The following PCDHA4 variants were observed in gnomAD, a reference collection of about 807,000 sequenced individuals.
PCDHA4 encodes the protein protocadherin alpha 4.
In PCDHA4, 49 loss-of-function variants were observed where a neutral mutation model predicts 61.4. That is an observed-to-expected ratio of 0.80 (90% CI 0.63 to 1.01). The LOEUF (loss-of-function observed/expected upper bound fraction) is 1.01, where lower values mean the gene tolerates loss of function less well. PCDHA4 is among the 50% of genes least tolerant of loss of function. PCDHA4 has a pLI of 0.00. For missense variants in PCDHA4, 1,254 were observed against 1,235.8 expected (o/e 1.01, Z -0.22); for synonymous variants, 590 against 550.3 (o/e 1.07, Z -1.01).
intron 1 of PCDHA4, among the ~76,000 whole-genome samples, chr5:140,833,648 T>C (rs1554133916): frequency 6.6e-6 from 1 of 152,200 alleles, no homozygotes. Flanking sequence ...GTTCACATGA[T>C]ACAAATTCTT....
chr5:140,850,503 G>C (rs2041643123), intron 1 of PCDHA4: 1 of 1,598,290 alleles, frequency 6.3e-7, no homozygotes, highest in Non-Finnish European at 8.6e-7. Flanking sequence ...GGTGTCGCTG[G>C]TGGAGAGCGG....
intron 1 of PCDHA4, chr5:140,967,806 G>A (rs1406839046): frequency 8.1e-6 from 13 of 1,614,180 alleles, no homozygotes; most frequent in Non-Finnish European, 1.1e-5. Flanking sequence ...CCCATGGCAG[G>A]TCACTGCAAG....
intron 1 of PCDHA4, among the ~76,000 whole-genome samples, chr5:140,937,615 T>TCAAAAAAAAAAAAAAAAAAAAAAAA (rs1472779704): frequency 5.3e-5 from 8 of 149,546 alleles, no homozygotes; most frequent in African/African-American, 2.0e-4. Context: ...ATACTCCATC[T>TCAAAAAAAAAAAAAAAAAAAAAAAA]AAAAAGAAAA....
At chr5:140,850,403 C>T (rs1554144277) in intron 1 of PCDHA4, 5 of 1,597,838 alleles carry the variant, frequency 3.1e-6, no homozygotes, top group African/African-American at 2.7e-5. Flanking sequence ...CAACGCGTGC[C>T]CTGGACGAAA....
intron 1 of PCDHA4, chr5:140,836,978 G>A (rs1774847497): frequency 2.7e-6 from 1 of 370,178 alleles, no homozygotes; most frequent in Admixed American, 4.2e-5. Context: ...TCCATTTTTG[G>A]AGGAGGACTT....
intron 1 of PCDHA4, chr5:140,866,569 A>G (rs1366987361): frequency 6.6e-6 from 1 of 152,162 alleles, no homozygotes; most frequent in Non-Finnish European, 1.5e-5. Flanking sequence ...TTTTGTTAAT[A>G]CAGTGGTTGG....
intron 1 of PCDHA4, among the ~76,000 whole-genome samples, chr5:140,874,875 C>T (rs1198638735): frequency 2.6e-5 from 4 of 152,134 alleles, no homozygotes; most frequent in African/African-American, 9.7e-5. Flanking sequence ...TTGTTAAATA[C>T]AAATTCCTAA....
chr5:140,998,497 G>A (rs1367409428), intron 3 of PCDHA4, among the ~76,000 whole-genome samples: 2 of 152,090 alleles, frequency 1.3e-5, no homozygotes, highest in East Asian at 3.8e-4. Flanking sequence ...TTTGAGAACA[G>A]GGTACTTGTC....
At chr5:140,850,181 G>C in intron 1 of PCDHA4, 1 of 1,593,852 alleles carries the variant, frequency 6.3e-7, no homozygotes, top group South Asian at 1.1e-5. Context: ...ACGACAATGC[G>C]CCGGCGCTGC....
At chr5:140,829,796 C>T (rs201762893) in intron 1 of PCDHA4, 5 of 1,613,774 alleles carry the variant, frequency 3.1e-6, no homozygotes, top group African/African-American at 2.7e-5. Flanking sequence ...GCTGGCGCCT[C>T]GGGTGGGTGG....
chr5:140,870,167 C>A, intron 1 of PCDHA4: 1 of 1,614,134 alleles, frequency 6.2e-7, no homozygotes, highest in East Asian at 2.2e-5. Context: ...ACTTCCTTGT[C>A]CCTCCCAGTA....
chr5:140,892,580 A>C (rs1462175198), intron 1 of PCDHA4, among the ~76,000 whole-genome samples: 2 of 152,198 alleles, frequency 1.3e-5, no homozygotes, highest in Admixed American at 1.3e-4. Context: ...AGTATATCTC[A>C]GTATTCATTC....
At chr5:140,821,779 G>A (rs1554128193) in intron 1 of PCDHA4, 29 of 1,609,248 alleles carry the variant, frequency 1.8e-5, no homozygotes, top group Admixed American at 3.4e-5. Flanking sequence ...GATTGAGATG[G>A]TATATTCCCG....
Position 140,880,781 on chromosome 5 carries a change from G to C in PCDHA4, c.2385+71209G>C, listed in dbSNP as rs575201091. Reference sequence around the variant, plus strand: ...GTGTTGGAGGCTAAAAAGAATGTTAGAGGAGTAATATAAATAGGTGAATGA... The same window carrying C: ...GTGTTGGAGGCTAAAAAGAATGTTACAGGAGTAATATAAATAGGTGAATGA... On this transcript the variant is annotated intron_variant, in intron 1 of 3. Transcript: ENST00000530339. Among the ~76,000 whole-genome samples the C allele has an allele frequency of 5.9e-5, 9 of 152,346 alleles. No homozygotes were observed. In the East Asian group the frequency reaches 1.3e-3, roughly 23 times the overall value.
At chr5:140,843,811 A>G (rs1388764041) in intron 1 of PCDHA4, 1 of 1,276,222 alleles carries the variant, frequency 7.8e-7, no homozygotes, top group Non-Finnish European at 1.1e-6. Context: ...CGTATTTTAT[A>G]GTGAAAATTT....
chr5:140,926,370 A>G (rs1268539055), intron 1 of PCDHA4: 1 of 152,298 alleles, frequency 6.6e-6, no homozygotes, highest in African/African-American at 2.4e-5. Flanking sequence ...GGCGGCAGGA[A>G]GAGCCCAGCT....
intron 1 of PCDHA4, chr5:140,876,892 A>G (rs782046911): frequency 1.2e-6 from 2 of 1,614,044 alleles, no homozygotes; most frequent in South Asian, 1.1e-5. Context: ...GGGCTGCCAC[A>G]TCTTCACGGT....
intron 1 of PCDHA4, chr5:140,842,186 G>A (rs2150331306): frequency 1.3e-5 from 21 of 1,613,692 alleles, no homozygotes; most frequent in Middle Eastern, 1.6e-4. Flanking sequence ...TGAAACTATG[G>A]TTATTGACCA....
At chr5:140,975,208 G>A (rs1449804050) in intron 1 of PCDHA4, among the ~76,000 whole-genome samples, 1 of 152,170 alleles carries the variant, frequency 6.6e-6, no homozygotes, top group African/African-American at 2.4e-5. Context: ...TTCATGGCTG[G>A]CACTGGAGAA....
Sources: gnomAD v4.1 joint callset for allele counts (sites outside exome capture counted in the v4.1 genomes callset) on GRCh38, gnomAD v4.1.1 for gene constraint, MANE v1.5 for transcripts, NCBI Gene and HGNC (gene_info 2026-07-23, HGNC 2026-07-21) for gene names.